CERS6: variants seen among roughly 807,000 people sequenced by gnomAD.
CERS6 encodes LAG1 homolog, ceramide synthase 6.
A neutral mutation model predicts 56.8 loss-of-function variants in CERS6; 26 were observed. The ratio of observed to expected loss-of-function variants is 0.46; its 90% confidence interval spans 0.34 to 0.63. CERS6 has a LOEUF of 0.63. Ranked by LOEUF, CERS6 falls within the 30% of genes least tolerant of loss-of-function variation. CERS6 has a pLI of 0.01. For missense variants in CERS6, 415 were observed against 467.5 expected (o/e 0.89, Z 1.04); for synonymous variants, 164 against 173.3 (o/e 0.95, Z 0.42).
At chr2:168,493,858 ATATAT>A (rs1209500090) in intron 1 of CERS6, among the ~76,000 whole-genome samples, 3 of 127,894 alleles carry the variant, frequency 2.3e-5, no homozygotes, top group Non-Finnish European at 3.4e-5. Flanking sequence ...TAATATATCA[ATATAT>A]TATATATAAC....
At chr2:168,744,285 T>C (rs564743546) in intron 8 of CERS6, among the ~76,000 whole-genome samples, 101 of 152,250 alleles carry the variant, frequency 6.6e-4, no homozygotes, top group African/African-American at 1.9e-3. Flanking sequence ...GATTTACAGG[T>C]GTGAGCCACC....
At chr2:168,656,145 GT>G (rs920987608) in intron 4 of CERS6, among the ~76,000 whole-genome samples, 3 of 152,158 alleles carry the variant, frequency 2.0e-5, no homozygotes, top group African/African-American at 7.2e-5. Flanking sequence ...TGCCTGGATG[GT>G]GGCAGCCACT....
At chr2:168,550,187 T>G (rs1021121204) in intron 2 of CERS6, among the ~76,000 whole-genome samples, 2 of 152,152 alleles carry the variant, frequency 1.3e-5, no homozygotes, top group African/African-American at 4.8e-5. Flanking sequence ...TTGTTGTTTT[T>G]GGTTTTGAGA....
intron 8 of CERS6, among the ~76,000 whole-genome samples, chr2:168,749,637 C>T (rs1684203643): frequency 1.2e-4 from 2 of 16,128 alleles, no homozygotes; most frequent in Admixed American, 1.5e-3. Flanking sequence ...TGGTAGCGTG[C>T]GCTACCATGC....
At chr2:168,477,218 A>AGAGAGT (rs1391712992) in intron 1 of CERS6, among the ~76,000 whole-genome samples, 2 of 132,416 alleles carry the variant, frequency 1.5e-5, no homozygotes, top group African/African-American at 5.8e-5. Flanking sequence ...AGAGAGAGAG[A>AGAGAGT]GTCTCATAGG....
intron 4 of CERS6, among the ~76,000 whole-genome samples, chr2:168,674,032 ATTCGTACACCGTGACCTG>A (rs1386914423): frequency 6.6e-6 from 1 of 152,190 alleles, no homozygotes; most frequent in East Asian, 1.9e-4. Flanking sequence ...TGGAGTCATG[ATTCGTACACCGTGACCTG>A]TTACGTATGG....
chr2:168,678,993 T>C (rs2105348302), intron 4 of CERS6, among the ~76,000 whole-genome samples: 1 of 152,298 alleles, frequency 6.6e-6, no homozygotes, highest in South Asian at 2.1e-4. Context: ...GGAATCCTAT[T>C]TGGCCATGAA....
chr2:168,510,849 A>C (rs1694766823), intron 1 of CERS6, among the ~76,000 whole-genome samples: 1 of 152,208 alleles, frequency 6.6e-6, no homozygotes, highest in Non-Finnish European at 1.5e-5. Context: ...AATAAAGATA[A>C]AATTTTATAA....
At chr2:168,677,822 A>G (rs1332815359) in intron 4 of CERS6, among the ~76,000 whole-genome samples, 1 of 152,174 alleles carries the variant, frequency 6.6e-6, no homozygotes, top group African/African-American at 2.4e-5. Context: ...GGAATGATTT[A>G]TAATCTTTTG....
chr2:168,459,643 T>A (rs548244320), intron 1 of CERS6, among the ~76,000 whole-genome samples: 1 of 150,216 alleles, frequency 6.7e-6, no homozygotes, highest in Non-Finnish European at 1.5e-5. Flanking sequence ...TTTTTTTTTT[T>A]CCCCCAACTG....
At chr2:168,603,770 CTGAAGA>C (rs1683989066) in intron 3 of CERS6, among the ~76,000 whole-genome samples, 1 of 152,214 alleles carries the variant, frequency 6.6e-6, no homozygotes, top group Non-Finnish European at 1.5e-5. Flanking sequence ...GGCCTAATGC[CTGAAGA>C]AACATGGCTG....
chr2:168,666,349 A>C (rs1685761675), intron 4 of CERS6, among the ~76,000 whole-genome samples: 1 of 152,104 alleles, frequency 6.6e-6, no homozygotes, highest in South Asian at 2.1e-4. Context: ...GCAACCACTC[A>C]TCTTCTTACT....
intron 4 of CERS6, among the ~76,000 whole-genome samples, chr2:168,667,121 T>G (rs1685781678): frequency 6.6e-6 from 1 of 152,226 alleles, no homozygotes; most frequent in African/African-American, 2.4e-5. Context: ...TATTTTTTCT[T>G]TTCATTATAA....
intron 3 of CERS6, among the ~76,000 whole-genome samples, chr2:168,602,202 G>A (rs866968811): frequency 6.6e-6 from 1 of 152,122 alleles, no homozygotes; most frequent in Non-Finnish European, 1.5e-5. Flanking sequence ...GAAGATGTAA[G>A]GGAATTGATT....
At chr2:168,598,480 A>AG (rs1488742436) in intron 3 of CERS6, among the ~76,000 whole-genome samples, 1 of 152,276 alleles carries the variant, frequency 6.6e-6, no homozygotes, top group African/African-American at 2.4e-5. Context: ...GTAAAAAAAA[A>AG]TAATGGCAAG....
Position 168,561,418 on chromosome 2 carries a change from T to A in CERS6, c.407+96T>A, listed in dbSNP as rs1695787022. 4 of 1,378,610 alleles carry A rather than the reference T, an allele frequency of 2.9e-6. No individual in the cohort carries two copies. The Admixed American group carries it at 6.4e-5, about 22-fold the overall frequency. The allele number at this position is 1,378,610 out of a possible 1,614,324, so 85.4% of individuals were successfully genotyped here. On this transcript the variant is annotated intron_variant, in intron 3 of 9. Transcript: ENST00000305747. ...AGATCTGTGCAGGCTTCAGCAGCCC[T>A]TAAAAAGCTGCAATCTGGTGGGAAA...
chr2:168,529,530 A>G (rs1159750247), intron 1 of CERS6, among the ~76,000 whole-genome samples: 1 of 152,190 alleles, frequency 6.6e-6, no homozygotes, highest in Non-Finnish European at 1.5e-5. Flanking sequence ...TGAGGCACCA[A>G]TGGATAATCC....
At chr2:168,651,734 C>T (rs898047355) in intron 4 of CERS6, among the ~76,000 whole-genome samples, 9 of 152,166 alleles carry the variant, frequency 5.9e-5, no homozygotes, top group African/African-American at 2.2e-4. Flanking sequence ...CCCACCAGGT[C>T]CCTCCCTTGA....
intron 2 of CERS6, among the ~76,000 whole-genome samples, chr2:168,549,734 A>G (rs1386570475): frequency 6.6e-6 from 1 of 152,202 alleles, no homozygotes; most frequent in Non-Finnish European, 1.5e-5. Context: ...TTTTTACATG[A>G]TTAAAACAGA....
Sources: allele counts gnomAD v4.1 joint callset (sites outside exome capture counted in the v4.1 genomes callset), GRCh38; gene constraint gnomAD v4.1.1; transcripts MANE v1.5; gene names NCBI Gene and HGNC (gene_info 2026-07-23, HGNC 2026-07-21).